Variants in KIFAP3 observed in about 807,000 individuals in gnomAD.
KIFAP3 encodes kinesin associated protein 3, also known as kinesin-associated protein 3.
Under a neutral mutation model 106.5 loss-of-function variants are expected in KIFAP3, and 68 were observed. The observed-to-expected ratio is 0.64, with a 90% CI of 0.53 to 0.78. KIFAP3 has a LOEUF of 0.78. Ranked by LOEUF, KIFAP3 falls within the 30% of genes least tolerant of loss-of-function variation. The probability of loss-of-function intolerance (pLI) is 0.00; values close to 1 mark genes in which losing one functional copy is unlikely to be tolerated. For synonymous variants in KIFAP3, 320 were observed against 311.5 expected, an observed-to-expected ratio of 1.03 and a Z score of -0.29; for missense variants, 780 against 941.8, an observed-to-expected ratio of 0.83 and a Z score of 2.25.
chr1:169,996,082 A>G (rs753351832), intron 10 of KIFAP3, among the ~76,000 whole-genome samples: 4 of 152,156 alleles, frequency 2.6e-5, no homozygotes, highest in Non-Finnish European at 5.9e-5. Context: ...AATTTTATAT[A>G]GTGAAACTAA....
chr1:170,006,083 T>C (rs963709032), intron 10 of KIFAP3, among the ~76,000 whole-genome samples: 1 of 152,194 alleles, frequency 6.6e-6, no homozygotes, highest in Non-Finnish European at 1.5e-5. Context: ...AGAACAAACC[T>C]ATTTTATCAG....
At chr1:170,079,367 A>G (rs7411424), upstream of KIFAP3, among the ~76,000 whole-genome samples, 9,630 of 152,234 alleles carry the variant, frequency 0.063, 388 homozygotes, top group Non-Finnish European at 0.095. Flanking sequence ...AGAACAATGA[A>G]CCAAATAAAC....
chr1:169,971,232 C>T (rs1299623092), intron 17 of KIFAP3, among the ~76,000 whole-genome samples: 1 of 151,960 alleles, frequency 6.6e-6, no homozygotes, highest in African/African-American at 2.4e-5. Flanking sequence ...CAACTCCCTC[C>T]TTTCCTCGTT....
At chr1:169,933,624 A>G (rs1448727144) in intron 19 of KIFAP3, among the ~76,000 whole-genome samples, 2 of 152,200 alleles carry the variant, frequency 1.3e-5, no homozygotes, top group Admixed American at 6.5e-5. Context: ...GAAATATATG[A>G]CAATTGTTTA....
intron 11 of KIFAP3, among the ~76,000 whole-genome samples, chr1:169,988,536 G>T (rs535326004): frequency 6.6e-6 from 1 of 152,008 alleles, no homozygotes; most frequent in South Asian, 2.1e-4. Context: ...TCCAACCGGG[G>T]TTATGACTTT....
intron 8 of KIFAP3, among the ~76,000 whole-genome samples, chr1:170,028,167 G>A (rs906666141): frequency 6.6e-6 from 1 of 151,534 alleles, no homozygotes; most frequent in Non-Finnish European, 1.5e-5. Context: ...AATTGCTCAG[G>A]CAAAAAGAAA....
intron 10 of KIFAP3, among the ~76,000 whole-genome samples, chr1:170,005,171 C>T (rs1010232587): frequency 6.6e-6 from 1 of 151,614 alleles, no homozygotes; most frequent in African/African-American, 2.4e-5. Context: ...CCATCTCACA[C>T]CAGTTAGAAT....
At chr1:169,977,891 T>A (rs1251574192) in intron 16 of KIFAP3, among the ~76,000 whole-genome samples, 194 bp downstream of exon 16, 1 of 152,128 alleles carries the variant, frequency 6.6e-6, no homozygotes, top group East Asian at 1.9e-4. Context: ...AATAAAATTG[T>A]TCTCATTATA....
chr1:170,010,426 A>T (rs1424208532), intron 10 of KIFAP3, among the ~76,000 whole-genome samples: 1 of 152,032 alleles, frequency 6.6e-6, no homozygotes, highest in Non-Finnish European at 1.5e-5. Context: ...TTTATGTGAC[A>T]AAACAATATT....
chr1:169,948,783 A>G (rs931507457), intron 19 of KIFAP3, among the ~76,000 whole-genome samples: 2 of 152,014 alleles, frequency 1.3e-5, no homozygotes, highest in African/African-American at 4.8e-5. Context: ...TAAGGGCTGT[A>G]AAATAGACAA....
intron 10 of KIFAP3, among the ~76,000 whole-genome samples, chr1:169,998,795 C>G (rs1667516754): frequency 1.3e-5 from 2 of 152,132 alleles, no homozygotes; most frequent in South Asian, 4.1e-4. Context: ...TATATGAAGA[C>G]TACAGTATAT....
chr1:170,064,248 T>A (rs1180343005), intron 1 of KIFAP3, among the ~76,000 whole-genome samples: 1 of 152,242 alleles, frequency 6.6e-6, no homozygotes, highest in African/African-American at 2.4e-5. Flanking sequence ...ATTTCTTATC[T>A]TACTACCTGT....
At chr1:170,078,562 T>G (rs949318328), upstream of KIFAP3, among the ~76,000 whole-genome samples, 2 of 152,160 alleles carry the variant, frequency 1.3e-5, no homozygotes, top group African/African-American at 4.8e-5. Flanking sequence ...ATTTAATGAC[T>G]TAAATGAAAT....
intron 10 of KIFAP3, among the ~76,000 whole-genome samples, chr1:169,994,901 T>A: frequency 6.6e-6 from 1 of 152,174 alleles, no homozygotes; most frequent in East Asian, 1.9e-4. Context: ...AGGATAATGA[T>A]TATTGACTAA....
At chr1:170,017,916 T>C (rs1668606959) in intron 9 of KIFAP3, among the ~76,000 whole-genome samples, 1 of 152,220 alleles carries the variant, frequency 6.6e-6, no homozygotes, top group Non-Finnish European at 1.5e-5. Context: ...TAATTTGAGA[T>C]GGTACTCAGT....
intron 17 of KIFAP3, among the ~76,000 whole-genome samples, chr1:169,970,518 C>T (rs1468823203): frequency 2.0e-5 from 3 of 152,048 alleles, no homozygotes; most frequent in Non-Finnish European, 2.9e-5. Flanking sequence ...TTATTCTGCA[C>T]TGTCTGTCTT....
intron 2 of KIFAP3, among the ~76,000 whole-genome samples, chr1:170,048,380 G>T (rs1400014863): frequency 6.6e-6 from 1 of 151,530 alleles, no homozygotes; most frequent in Non-Finnish European, 1.5e-5. Flanking sequence ...ACATCAGAAG[G>T]CATAGAGAGA....
intron 8 of KIFAP3, among the ~76,000 whole-genome samples, chr1:170,027,175 A>G (rs72482604): frequency 0.029 from 4,338 of 151,924 alleles, 173 homozygotes; most frequent in East Asian, 0.12. Context: ...ATCCACCACC[A>G]ACGCCTGGCT....
intron 11 of KIFAP3, 85 bp downstream of exon 11, chr1:169,992,070 G>T: frequency 3.5e-6 from 2 of 576,494 alleles, no homozygotes; most frequent in Non-Finnish European, 5.4e-6. Flanking sequence ...CTTTTTTAGA[G>T]AGAAAATCTT....
Sources: gnomAD v4.1 joint callset for allele counts (sites outside exome capture counted in the v4.1 genomes callset) on GRCh38, gnomAD v4.1.1 for gene constraint, MANE v1.5 for transcripts, NCBI Gene and HGNC (gene_info 2026-07-23, HGNC 2026-07-21) for gene names.